TOPAZ1: variants seen among roughly 807,000 people sequenced by gnomAD.
TOPAZ1 encodes protein TOPAZ1.
A neutral mutation model predicts 172.2 loss-of-function variants in TOPAZ1; 66 were observed. That is an observed-to-expected ratio of 0.38 (90% CI 0.31 to 0.47). TOPAZ1 has a LOEUF of 0.47. TOPAZ1 is among the 20% of genes least tolerant of loss of function. TOPAZ1 has a pLI of 0.99. For missense variants in TOPAZ1, 1,822 were observed against 1,972.4 expected (o/e 0.92, Z 1.44); for synonymous variants, 681 against 683.9 (o/e 1.00, Z 0.07).
At position 44,243,991 on chromosome 3, in the gene TOPAZ1, C is replaced by T; in HGVS notation, c.1485C>T (p.Pro495=). The change falls in exon 2 of 20, where the codon CCC becomes CCT. Residue 495 remains proline, a synonymous_variant. Transcript: ENST00000309765. The part of the protein sequence containing the change: ...TIPMTGKRTW[P]YYSCARISAW... ...CTATGACTGGTAAAAGAACTTGGCC[C>T]TATTATTCATGTGCTAGAATATCTG... 3.2e-6 allele frequency: 5 copies of T among 1,552,238 alleles called. No individual in the cohort carries two copies. Among genetic ancestry groups the T allele is most frequent in the Admixed American group, 2.0e-5 (1 of 50,998 alleles).
intron 2 of TOPAZ1, among the ~76,000 whole-genome samples, chr3:44,246,943 C>T (rs923399203): frequency 6.6e-6 from 1 of 152,186 alleles, no homozygotes; most frequent in Non-Finnish European, 1.5e-5. Context: ...GCAAACTTCT[C>T]TGTTGAGTGA....
chr3:44,277,380 T>C (rs529564307), intron 8 of TOPAZ1, among the ~76,000 whole-genome samples: 1 of 152,352 alleles, frequency 6.6e-6, no homozygotes, highest in South Asian at 2.1e-4. Context: ...TCATCACATC[T>C]AAGAGTTTTC....
At chr3:44,332,714 T>C (rs1048069025), downstream of TOPAZ1, among the ~76,000 whole-genome samples, 9 of 152,192 alleles carry the variant, frequency 5.9e-5, no homozygotes, top group Non-Finnish European at 1.3e-4. Flanking sequence ...TCATCTTTGA[T>C]ACTTTAAACC....
intron 8 of TOPAZ1, among the ~76,000 whole-genome samples, chr3:44,279,906 T>C (rs1389425772): frequency 1.3e-5 from 2 of 152,194 alleles, no homozygotes; most frequent in Admixed American, 6.5e-5. Flanking sequence ...TTCTCTCTTA[T>C]TGCCTATCTG....
In TOPAZ1 at chr3:44,294,244, A is replaced by G. The variant is rs1399251279; in HGVS notation, c.3797+3358A>G. 2.0e-5 allele frequency among the ~76,000 whole-genome samples: 3 copies of G among 151,986 alleles called. No individual in the cohort carries two copies. The East Asian group carries it at 5.8e-4, about 29-fold the overall frequency. On this transcript the variant is annotated intron_variant, in intron 12 of 19. Coordinates refer to ENST00000309765, the MANE Select transcript of TOPAZ1 (RefSeq NM_001145030.2). ...AACAGAGCAAGACTCTGTCTCAAAA[A>G]AAAAAAGACATATAGCCATCAAACG...
At chr3:44,269,387 C>T in intron 7 of TOPAZ1, 86 bp downstream of exon 7, 3 of 725,250 alleles carry the variant, frequency 4.1e-6, no homozygotes, top group East Asian at 5.5e-5. Flanking sequence ...CCTCACTTTC[C>T]TCCACTCCCT....
At chr3:44,246,450 G>A (rs913530888) in intron 2 of TOPAZ1, among the ~76,000 whole-genome samples, 1 of 152,060 alleles carries the variant, frequency 6.6e-6, no homozygotes, top group African/African-American at 2.4e-5. Context: ...TACCTTTGTG[G>A]TATCATACTC....
intron 2 of TOPAZ1, among the ~76,000 whole-genome samples, chr3:44,252,029 T>C (rs1196998778): frequency 1.3e-5 from 2 of 152,208 alleles, no homozygotes; most frequent in African/African-American, 4.8e-5. Context: ...AAACTGTTTC[T>C]TACAAGAGTT....
intron 4 of TOPAZ1, among the ~76,000 whole-genome samples, chr3:44,259,588 C>T (rs1699753145): frequency 6.6e-6 from 1 of 152,192 alleles, no homozygotes. Context: ...CTGCATTATG[C>T]ATCCTTGAGC....
At chr3:44,333,669 GAACA>G (rs1224466519), downstream of TOPAZ1, among the ~76,000 whole-genome samples, 5 of 152,310 alleles carry the variant, frequency 3.3e-5, no homozygotes, top group African/African-American at 1.2e-4. Context: ...CTTATTGCTG[GAACA>G]AACAGAGGCA....
intron 4 of TOPAZ1, among the ~76,000 whole-genome samples, chr3:44,256,808 G>A (rs1047877148): frequency 6.6e-6 from 1 of 152,062 alleles, no homozygotes; most frequent in Non-Finnish European, 1.5e-5. Context: ...CCAAATTTGG[G>A]AATTAACAAA....
chr3:44,263,993 CT>C (rs1467941399), intron 5 of TOPAZ1, among the ~76,000 whole-genome samples: 1 of 152,088 alleles, frequency 6.6e-6, no homozygotes, highest in Non-Finnish European at 1.5e-5. Context: ...ACTCAAATGC[CT>C]TTATAGGCTT....
chr3:44,304,113 G>T, intron 13 of TOPAZ1, 32 bp downstream of exon 13: 2 of 1,283,666 alleles, frequency 1.6e-6, no homozygotes, highest in Non-Finnish European at 2.2e-6. Context: ...ATACATTGCT[G>T]GGATCTCTGA....
At chr3:44,270,462 A>T (rs143605857) in intron 7 of TOPAZ1, among the ~76,000 whole-genome samples, 1 of 152,220 alleles carries the variant, frequency 6.6e-6, no homozygotes, top group Admixed American at 6.5e-5. Flanking sequence ...TTACACAAAG[A>T]TAAATTTTTT....
At chr3:44,269,783 C>G (rs992198883) in intron 7 of TOPAZ1, among the ~76,000 whole-genome samples, 1 of 152,024 alleles carries the variant, frequency 6.6e-6, no homozygotes, top group Non-Finnish European at 1.5e-5. Flanking sequence ...AGGCGCCCAC[C>G]ACCACGCCCG....
chr3:44,243,414 G>A lies in TOPAZ1; in HGVS notation c.908G>A (p.Ser303Asn), dbSNP rs1403450459. The change falls in exon 2 of 20, where the codon AGT becomes AAT. Residue 303 changes from serine (S) to asparagine (N), a missense_variant. Physicochemically the swap from Ser to Asn is conservative, Grantham distance 46 (BLOSUM62 1). Around this residue, in one of 2 missense-constraint regions of TOPAZ1, gnomAD observed 1,489 missense variants for 1,490.8 expected, o/e 1.00. Coordinates refer to ENST00000309765, the MANE Select transcript of TOPAZ1 (RefSeq NM_001145030.2). Reference protein sequence around the residue: ...LLPEESDLYQSKTNGLLSCLQ... With the variant: ...LLPEESDLYQNKTNGLLSCLQ... ...CCAGAAGAGAGTGATTTATACCAAA[G>A]TAAAACCAATGGCTTGCTTTCCTGC... is the stretch of plus-strand genomic sequence containing the variant. 1.9e-6 allele frequency: 3 copies of A among 1,551,520 alleles called. No homozygotes were observed. The highest frequency in any genetic ancestry group is 2.4e-5 in the East Asian group (1 of 40,898).
intron 14 of TOPAZ1, 26 bp from the exon 15 acceptor site, chr3:44,306,300 C>T (rs1272617680): frequency 7.1e-7 from 1 of 1,410,878 alleles, no homozygotes; most frequent in African/African-American, 1.4e-5. Flanking sequence ...ATTTTATTTT[C>T]TTTTGTATGC....
Position 44,244,672 on chromosome 3 carries a change from T to TAA in TOPAZ1, c.2166_2167insAA (p.Gly723LysfsTer5). Reference sequence around the variant, plus strand: ...CTCTAGAACTTCTGGACAATTTATCTGGAGCAGACGTAAGACAGAACAGGA... The same window carrying TAA: ...CTCTAGAACTTCTGGACAATTTATCTAAGGAGCAGACGTAAGACAGAACAGGA... On this transcript the variant is annotated frameshift_variant, in exon 2 of 20. Transcript: ENST00000309765. LOFTEE classifies it high-confidence loss of function. 6.4e-7 allele frequency: 1 copy of TAA among 1,551,374 alleles called. No individual in the cohort carries two copies. Among genetic ancestry groups the TAA allele is most frequent in the Non-Finnish European group, 8.7e-7 (1 of 1,146,958 alleles).
chr3:44,308,926 T>C (rs758590989), intron 15 of TOPAZ1, among the ~76,000 whole-genome samples: 5 of 152,178 alleles, frequency 3.3e-5, no homozygotes, highest in South Asian at 2.1e-4. Flanking sequence ...TCAAATATTA[T>C]AGAATATAAA....
Sources: allele counts gnomAD v4.1 joint callset (sites outside exome capture counted in the v4.1 genomes callset), GRCh38; gene constraint gnomAD v4.1.1; regional missense constraint gnomAD v4.1.1; transcripts MANE v1.5; gene names NCBI Gene and HGNC (gene_info 2026-07-23, HGNC 2026-07-21).